The following SCN2A variants were observed in gnomAD, a reference collection of about 807,000 sequenced individuals.
SCN2A encodes the protein sodium channel protein type 2 subunit alpha.
In SCN2A, 20 loss-of-function variants were observed where a neutral mutation model predicts 188.7. That is an observed-to-expected ratio of 0.11 (90% CI 0.07 to 0.15). The LOEUF is 0.15. Ranked by LOEUF, SCN2A falls within the 10% of genes least tolerant of loss-of-function variation. The probability of loss-of-function intolerance (pLI) is 1.00; values close to 1 mark genes in which losing one functional copy is unlikely to be tolerated. For missense variants in SCN2A, 1,278 were observed against 2,445.0 expected, an observed-to-expected ratio of 0.52 and a Z score of 10.07; for synonymous variants, 804 against 833.1, an observed-to-expected ratio of 0.97 and a Z score of 0.60.
At position 165,354,464 on chromosome 2, in the gene SCN2A, C is replaced by T. The variant is rs866342737; in HGVS notation, c.3192C>T (p.Asp1064=). The T allele has an allele frequency of 2.5e-6, 4 of 1,613,916 alleles. No individual in the cohort carries two copies. The African/African-American group carries it at 4.0e-5, about 16-fold the overall frequency. The change falls in exon 17 of 27, where the codon GAC becomes GAT. Residue 1064 remains aspartate, a synonymous_variant. Transcript: ENST00000375437. ...SNHTTIEIGK[D]LNYLKDGNGT... ...ATACCACCATAGAAATAGGCAAAGA[C>T]CTCAATTATCTCAAAGACGGAAATG...
intron 1 of SCN2A, among the ~76,000 whole-genome samples, chr2:165,253,899 T>G (rs1423978934): frequency 1.3e-5 from 2 of 151,994 alleles, no homozygotes; most frequent in Non-Finnish European, 2.9e-5. Flanking sequence ...ATGCCTTTCT[T>G]TGCTAATATT....
chr2:165,387,772 T>G (rs940297168), intron 26 of SCN2A, among the ~76,000 whole-genome samples: 2 of 152,108 alleles, frequency 1.3e-5, no homozygotes, highest in African/African-American at 4.8e-5. Flanking sequence ...AGGGGAAAAT[T>G]ATATAGCACT....
chr2:165,293,189 A>G (rs1196105813), intron 1 of SCN2A, among the ~76,000 whole-genome samples: 1 of 152,236 alleles, frequency 6.6e-6, no homozygotes. Context: ...TTCCTTGGCT[A>G]CAAGCCTACA....
intron 12 of SCN2A, among the ~76,000 whole-genome samples, chr2:165,324,492 C>T (rs754039759): frequency 2.6e-5 from 4 of 152,186 alleles, no homozygotes; most frequent in South Asian, 2.1e-4. Context: ...CCTCTCCCCA[C>T]CTCCTTCTAC....
chr2:165,355,448 T>A (rs1370155315), intron 17 of SCN2A, among the ~76,000 whole-genome samples: 1 of 152,202 alleles, frequency 6.6e-6, no homozygotes, highest in Non-Finnish European at 1.5e-5. Context: ...GCTCAATAAG[T>A]ACAGAGTTGG....
At chr2:165,333,395 G>T (rs1369685321) in intron 14 of SCN2A, among the ~76,000 whole-genome samples, 2 of 151,468 alleles carry the variant, frequency 1.3e-5, no homozygotes, top group African/African-American at 4.8e-5. Context: ...ATAAGTTATA[G>T]GTTAGGTCAT....
At chr2:165,327,671 G>C (rs1379814560) in intron 13 of SCN2A, 2 of 152,612 alleles carry the variant, frequency 1.3e-5, no homozygotes, top group South Asian at 4.1e-4. Context: ...AAATGTGGAT[G>C]ATGATGTTTA....
chr2:165,271,397 A>G (rs187169543), intron 1 of SCN2A: 2 of 152,226 alleles, frequency 1.3e-5, no homozygotes, highest in African/African-American at 2.4e-5. Context: ...ACATGGAGAT[A>G]GTACATAGGA....
At chr2:165,253,644 T>C (rs1386041548) in intron 1 of SCN2A, among the ~76,000 whole-genome samples, 1 of 152,110 alleles carries the variant, frequency 6.6e-6, no homozygotes, top group African/African-American at 2.4e-5. Flanking sequence ...GCCAAAATTA[T>C]TTACTAAATC....
chr2:165,360,791 G>A (rs1700422948), intron 17 of SCN2A, among the ~76,000 whole-genome samples: 1 of 151,860 alleles, frequency 6.6e-6, no homozygotes, highest in African/African-American at 2.4e-5. Context: ...GACATATATA[G>A]AACTTTTTAA....
In SCN2A at chr2:165,293,856, G is replaced by A. The variant is rs147714927; in HGVS notation, c.-51-1917G>A. ...GGCTGCTTCAGACATATGTCTGTGT[G>A]TACGCTGTGAAGGTGTTTCTCTTCA... On this transcript the variant is annotated intron_variant, in intron 1 of 26. Coordinates refer to ENST00000375437, the MANE Select transcript of SCN2A (RefSeq NM_001040142.2). The A allele has an allele frequency of 1.2e-5, 12 of 984,990 alleles. No homozygotes were observed. The African/African-American group carries it at 2.1e-4, about 17-fold the overall frequency. The allele number at this position is 984,990 out of a possible 1,614,324, so 61.0% of individuals were successfully genotyped here.
chr2:165,246,053 A>G (rs1373185555), intron 1 of SCN2A, among the ~76,000 whole-genome samples: 1 of 152,150 alleles, frequency 6.6e-6, no homozygotes, highest in Non-Finnish European at 1.5e-5. Context: ...TGTGTGCAAA[A>G]AAAAACTGTT....
rs1253966876 is a variant in SCN2A at position 165,307,872 on chromosome 2, C to T, written c.411C>T (p.Cys137=). The change falls in exon 4 of 27, where the codon TGC becomes TGT. Residue 137 remains cysteine, a synonymous_variant. Coordinates refer to ENST00000375437, the MANE Select transcript of SCN2A (RefSeq NM_001040142.2). ...VHSLFNMLIM[C]TILTNCVFMT... ...CTTTATTCAATATGCTCATTATGTG[C>T]ACGATTCTTACCAACTGTGTATTTA... 1 of 1,610,744 alleles carries T rather than the reference C, an allele frequency of 6.2e-7. No individual in the cohort carries two copies. The highest frequency in any genetic ancestry group is 1.3e-5 in the African/African-American group (1 of 74,962).
chr2:165,346,031 T>C (rs940131061), intron 16 of SCN2A, among the ~76,000 whole-genome samples: 2 of 152,210 alleles, frequency 1.3e-5, no homozygotes, highest in East Asian at 3.8e-4. Flanking sequence ...ATGTTTAATA[T>C]TGGCTCCCAC....
At chr2:165,386,142 T>C (rs1339621148) in intron 25 of SCN2A, among the ~76,000 whole-genome samples, 1 of 152,118 alleles carries the variant, frequency 6.6e-6, no homozygotes, top group Non-Finnish European at 1.5e-5. Context: ...CATTTGACCC[T>C]CACATAAATG....
intron 16 of SCN2A, among the ~76,000 whole-genome samples, chr2:165,348,975 G>T (rs3910176): frequency 0.011 from 1,626 of 152,262 alleles, 17 homozygotes; most frequent in Non-Finnish European, 0.017. Context: ...CTGCCATATT[G>T]TATTCATTAG....
chr2:165,392,107 T>A lies in SCN2A; in HGVS notation c.*2283T>A, dbSNP rs1702142306. ...GCCATTTAAAGGTAGATTTCTATCA[T>A]GTAAAAATAATCTATCTGAAAAACA... On this transcript the variant is annotated 3_prime_UTR_variant, in exon 27 of 27. Transcript: ENST00000375437. The A allele has an allele frequency of 6.6e-6, 1 of 152,542 alleles. No homozygotes were observed. The highest frequency in any genetic ancestry group is 6.6e-5 in the Admixed American group (1 of 15,250). The allele number at this position is 152,542 out of a possible 1,614,324, so 9.4% of individuals were successfully genotyped here.
rs1693530517 is a variant in SCN2A at position 165,239,616 on chromosome 2, T to C, written c.-76T>C. On this transcript the variant is annotated 5_prime_UTR_variant, in exon 1 of 27. It removes an upstream start codon present in the reference 5' UTR. Coordinates refer to ENST00000375437, the MANE Select transcript of SCN2A (RefSeq NM_001040142.2). ...CAACACATACGTGGATTCTGTGTTA[T>C]GATTTACATTTTTCTTTATTTCAGG... 21 of 983,718 alleles carry C rather than the reference T, an allele frequency of 2.1e-5. No individual in the cohort carries two copies. Among genetic ancestry groups the C allele is most frequent in the Non-Finnish European group, 2.3e-5 (19 of 828,492 alleles). The allele number at this position is 983,718 out of a possible 1,614,324, so 60.9% of individuals were successfully genotyped here. A position where few individuals can be genotyped will look rare whatever the true frequency, so the allele number is the denominator to read the frequency against.
At chr2:165,244,413 AT>A (rs892329598) in intron 1 of SCN2A, among the ~76,000 whole-genome samples, 8 of 151,434 alleles carry the variant, frequency 5.3e-5, no homozygotes, top group Admixed American at 4.0e-4. Flanking sequence ...CAGAAGTATA[AT>A]TTTTTTTTCT....
Sources: gnomAD v4.1 joint callset for allele counts (sites outside exome capture counted in the v4.1 genomes callset) on GRCh38, gnomAD v4.1.1 for gene constraint, MANE v1.5 for transcripts, NCBI Gene and HGNC (gene_info 2026-07-23, HGNC 2026-07-21) for gene names.